POU6F2: variants seen among roughly 807,000 people sequenced by gnomAD.
The protein encoded by POU6F2 is POU class 6 homeobox 2.
POU6F2 carries 31 observed loss-of-function variants against 71.3 expected under a neutral mutation model. The ratio of observed to expected loss-of-function variants is 0.43; its 90% CI spans 0.33 to 0.59. The LOEUF (loss-of-function observed/expected upper bound fraction) is 0.59. POU6F2 is among the 20% of genes least tolerant of loss of function. POU6F2 has a pLI of 0.04. For synonymous variants in POU6F2, 347 were observed against 355.7 expected (o/e 0.98, Z 0.27); for missense variants, 783 against 856.8 (o/e 0.91, Z 1.07).
chr7:39,348,338 T>C (rs1400820321), intron 5 of POU6F2, among the ~76,000 whole-genome samples: 2 of 152,246 alleles, frequency 1.3e-5, no homozygotes, highest in African/African-American at 4.8e-5. Flanking sequence ...GAAAAGTTTA[T>C]ATTAGATGAT....
intron 2 of POU6F2, among the ~76,000 whole-genome samples, chr7:39,161,839 T>C (rs993982334): frequency 1.3e-5 from 2 of 152,168 alleles, no homozygotes; most frequent in Non-Finnish European, 2.9e-5. Flanking sequence ...TTAAGTACAT[T>C]TTGCCATGAC....
Position 39,025,632 on chromosome 7 carries a change from A to G in POU6F2, c.105+47574A>G, listed in dbSNP as rs977167156. ...ATTAAAGACTTAAATGTTAGACCTA[A>G]AACCATAAAAACCCTAAAAGAAAAC... is the stretch of plus-strand genomic sequence containing the variant. On this transcript the variant is annotated intron_variant, in intron 1 of 9. Coordinates refer to ENST00000518318, the MANE Select transcript of POU6F2 (RefSeq NM_001370959.1). Among the ~76,000 whole-genome samples, 107 of 151,940 alleles carry G rather than the reference A, an allele frequency of 7.0e-4. 1 individual carries two copies. The highest frequency in any genetic ancestry group is 1.5e-3 in the Non-Finnish European group (102 of 67,936).
chr7:39,458,040 C>T (rs1788846499), intron 8 of POU6F2, among the ~76,000 whole-genome samples: 1 of 112,212 alleles, frequency 8.9e-6, no homozygotes, highest in Non-Finnish European at 1.7e-5. Context: ...CATTTTAATA[C>T]CACAGATATG....
At chr7:39,131,822 G>A (rs1048796117) in intron 2 of POU6F2, among the ~76,000 whole-genome samples, 5 of 150,558 alleles carry the variant, frequency 3.3e-5, no homozygotes, top group Non-Finnish European at 7.4e-5. Flanking sequence ...TCCGATGAGA[G>A]GCATCTATTT....
chr7:39,270,504 T>C (rs967867033), intron 4 of POU6F2, among the ~76,000 whole-genome samples: 2 of 152,178 alleles, frequency 1.3e-5, no homozygotes, highest in South Asian at 4.1e-4. Flanking sequence ...ATGGCAGTTG[T>C]TATTATTGTT....
At chr7:39,438,813 C>G (rs570641354) in intron 7 of POU6F2, among the ~76,000 whole-genome samples, 10 of 152,350 alleles carry the variant, frequency 6.6e-5, no homozygotes, top group African/African-American at 2.4e-4. Context: ...CCATGTGGCA[C>G]TGAGAAGAAT....
intron 1 of POU6F2, among the ~76,000 whole-genome samples, chr7:39,023,659 C>A (rs1239237666): frequency 3.3e-5 from 5 of 152,076 alleles, no homozygotes; most frequent in African/African-American, 1.2e-4. Context: ...TTGAAGTGTT[C>A]TTATCAGAAA....
chr7:39,216,323 T>G (rs1794241946), intron 4 of POU6F2, among the ~76,000 whole-genome samples: 1 of 152,170 alleles, frequency 6.6e-6, no homozygotes, highest in Non-Finnish European at 1.5e-5. Context: ...ATTCATGTGG[T>G]TTTTCAGAAC....
intron 1 of POU6F2, among the ~76,000 whole-genome samples, chr7:39,016,879 G>A (rs953533398): frequency 6.6e-6 from 1 of 152,188 alleles, no homozygotes; most frequent in African/African-American, 2.4e-5. Flanking sequence ...AGCCACTGTG[G>A]CAGAGCACAG....
chr7:39,283,264 C>G (rs889770343), intron 4 of POU6F2, among the ~76,000 whole-genome samples: 1 of 149,884 alleles, frequency 6.7e-6, no homozygotes, highest in Non-Finnish European at 1.5e-5. Flanking sequence ...ATTTGAATGC[C>G]CTTTATTTTT....
rs768648510 is a variant in POU6F2, at chr7:39,204,213, G to T, written c.278-22G>T. On this transcript the variant is annotated intron_variant, in intron 2 of 9. Transcript: ENST00000518318. ...CCAAGCTGGATCATATATTAAGGGA[G>T]TATTTCTCTTTTGAATTCCAGGGGC... 21 of 1,593,300 alleles carry T rather than the reference G, an allele frequency of 1.3e-5. 1 individual carries two copies. The South Asian group carries it at 2.3e-4, about 18-fold the overall frequency.
At chr7:39,379,742 C>T (rs1178486633) in intron 5 of POU6F2, among the ~76,000 whole-genome samples, 2 of 152,158 alleles carry the variant, frequency 1.3e-5, no homozygotes, top group Non-Finnish European at 2.9e-5. Context: ...ATCGTTTTCC[C>T]ATCCTGCCTT....
At chr7:39,173,202 C>T (rs766273761) in intron 2 of POU6F2, among the ~76,000 whole-genome samples, 2 of 152,214 alleles carry the variant, frequency 1.3e-5, no homozygotes, top group Non-Finnish European at 2.9e-5. Flanking sequence ...TATCTGTTTT[C>T]AGTCTAGCTA....
chr7:39,056,287 T>A (rs900962789), intron 1 of POU6F2, among the ~76,000 whole-genome samples: 2 of 152,060 alleles, frequency 1.3e-5, no homozygotes, highest in Non-Finnish European at 2.9e-5. Flanking sequence ...TTTTTTAAAT[T>A]TTTCCCTCTG....
At chr7:39,359,645 T>TC (rs1280149183) in intron 5 of POU6F2, among the ~76,000 whole-genome samples, 1 of 152,118 alleles carries the variant, frequency 6.6e-6, no homozygotes, top group Non-Finnish European at 1.5e-5. Flanking sequence ...TTTTTTAGAT[T>TC]CCAGATGCTT....
intron 2 of POU6F2, among the ~76,000 whole-genome samples, chr7:39,170,025 G>C (rs1398728081): frequency 6.6e-6 from 1 of 152,008 alleles, no homozygotes; most frequent in Admixed American, 6.6e-5. Flanking sequence ...TCTACTAGCC[G>C]GGCGTTGTGG....
intron 2 of POU6F2, among the ~76,000 whole-genome samples, chr7:39,186,806 G>A (rs954151600): frequency 6.6e-6 from 1 of 152,108 alleles, no homozygotes; most frequent in Admixed American, 6.6e-5. Flanking sequence ...TCCTTCCCCA[G>A]CTCTGTTTCT....
chr7:39,289,106 T>G (rs940948146), intron 4 of POU6F2, among the ~76,000 whole-genome samples: 9 of 152,212 alleles, frequency 5.9e-5, no homozygotes, highest in Non-Finnish European at 1.3e-4. Flanking sequence ...CCTCCCTTTC[T>G]GCTTATTTTC....
intron 1 of POU6F2, among the ~76,000 whole-genome samples, chr7:39,076,553 G>T (rs1032505024): frequency 2.6e-5 from 4 of 152,236 alleles, no homozygotes; most frequent in South Asian, 2.1e-4. Flanking sequence ...AAAAGAAAAT[G>T]GTTAGCTAAC....
Sources: allele counts gnomAD v4.1 joint callset (sites outside exome capture counted in the v4.1 genomes callset), GRCh38; gene constraint gnomAD v4.1.1; transcripts MANE v1.5; gene names NCBI Gene and HGNC (gene_info 2026-07-23, HGNC 2026-07-21).